Variants in BICD2 observed in about 807,000 individuals in gnomAD.
BICD2 encodes protein bicaudal D homolog 2.
BICD2 carries 25 observed loss-of-function variants against 72.9 expected under a neutral mutation model. The ratio of observed to expected loss-of-function variants is 0.34; its 90% CI spans 0.25 to 0.48. The LOEUF is 0.48. Among genes scored for constraint, BICD2 ranks in the 20% least tolerant of loss-of-function variants. The pLI, the probability that BICD2 is intolerant of heterozygous loss-of-function variation, is 0.99. For missense variants in BICD2, 894 were observed against 1,175.2 expected, an observed-to-expected ratio of 0.76 and a Z score of 3.50; for synonymous variants, 501 against 516.1, an observed-to-expected ratio of 0.97 and a Z score of 0.40.
At chr9:92,752,873 C>A (rs1055617225) in intron 1 of BICD2, among the ~76,000 whole-genome samples, 4 of 152,116 alleles carry the variant, frequency 2.6e-5, no homozygotes, top group African/African-American at 4.8e-5. Flanking sequence ...TAGATAGCAC[C>A]CTGCCCTCAA....
chr9:92,744,996 T>A (rs1466287931), intron 1 of BICD2, among the ~76,000 whole-genome samples: 2 of 152,098 alleles, frequency 1.3e-5, no homozygotes, highest in African/African-American at 4.8e-5. Flanking sequence ...ACCAAACATA[T>A]CACAGGGAGT....
In BICD2 at chr9:92,712,807, T is replaced by G. The variant is rs2131493042; in HGVS notation, c.*2347A>C. The G allele has an allele frequency of 6.6e-6, 1 of 152,574 alleles. No individual in the cohort carries two copies. The highest frequency in any genetic ancestry group is 1.5e-5 in the Non-Finnish European group (1 of 68,044). The allele number at this position is 152,574 out of a possible 1,614,324, so 9.5% of individuals were successfully genotyped here. ...ACCCCAGAATCTGAATACCCTGGAT[T>G]TCTTAATGAACATGGCATTTAAAAT... On this transcript the variant is annotated 3_prime_UTR_variant, in exon 7 of 7. Coordinates refer to ENST00000356884, the MANE Select transcript of BICD2 (RefSeq NM_001003800.2).
rs1033453294 is a variant in BICD2, at chr9:92,755,486, C to A, written c.240+9019G>T. 2.5e-4 allele frequency among the ~76,000 whole-genome samples: 38 copies of A among 152,158 alleles called. 1 individual carries two copies. ...CCTAATAAAAACTTGCTGGTTTTTG[C>A]GGCTTGTGGGGCATCACGGAACCTA... On this transcript the variant is annotated intron_variant, in intron 1 of 6. Transcript: ENST00000356884.
intron 5 of BICD2, among the ~76,000 whole-genome samples, chr9:92,718,285 G>A (rs1013754340): frequency 6.6e-6 from 1 of 152,248 alleles, no homozygotes; most frequent in Admixed American, 6.5e-5. Context: ...GTCACAGTGA[G>A]TCAAGGGCAG....
intron 1 of BICD2, among the ~76,000 whole-genome samples, chr9:92,733,791 C>G (rs1442955972): frequency 1.3e-5 from 2 of 151,696 alleles, no homozygotes; most frequent in African/African-American, 4.8e-5. Context: ...CACAGTGAAA[C>G]CCCGTCTCTA....
rs1853369874 is a variant in BICD2, at chr9:92,718,444, G to C, written c.2106+95C>G. 7 of 1,457,356 alleles carry C rather than the reference G, an allele frequency of 4.8e-6. No homozygotes were observed. In the African/African-American group the frequency reaches 7.0e-5, roughly 15 times the overall value. 90.3% of individuals were successfully genotyped at this position (1,457,356 alleles called of 1,614,324 possible). A position where few individuals can be genotyped will look rare whatever the true frequency, so the allele number is the denominator to read the frequency against. ...TCTGTCTGGTGGTGACGCAGGCCTGGGGGGGCCCCGTGGCAGGGGGAGGAA... is the reference window on the plus strand; with the variant it reads ...TCTGTCTGGTGGTGACGCAGGCCTGCGGGGGCCCCGTGGCAGGGGGAGGAA... On this transcript the variant is annotated intron_variant, in intron 5 of 6. Transcript: ENST00000356884.
intron 1 of BICD2, among the ~76,000 whole-genome samples, chr9:92,729,845 C>G (rs945250484): frequency 4.0e-4 from 61 of 152,242 alleles, no homozygotes; most frequent in Non-Finnish European, 1.0e-4. Context: ...GGGTGAGGAA[C>G]AAGGGGCGCG....
chr9:92,713,870 G>T lies in BICD2; in HGVS notation c.*1284C>A. On this transcript the variant is annotated 3_prime_UTR_variant, in exon 7 of 7. Transcript: ENST00000356884. ...GAGAGCTGTGGGAGGGGGCAACACG[G>T]TCTCTCACCAGGTAACTCGAATGCC... is the stretch of plus-strand genomic sequence containing the variant. The T allele has an allele frequency of 9.8e-7, 1 of 1,020,410 alleles. No individual in the cohort carries two copies. The highest frequency in any genetic ancestry group is 1.2e-6 in the Non-Finnish European group (1 of 850,628). The allele number at this position is 1,020,410 out of a possible 1,614,324, so 63.2% of individuals were successfully genotyped here. A position where few individuals can be genotyped will look rare whatever the true frequency, so the allele number is the denominator to read the frequency against.
chr9:92,751,070 C>G (rs1854137515), intron 1 of BICD2, among the ~76,000 whole-genome samples: 1 of 152,018 alleles, frequency 6.6e-6, no homozygotes, highest in Admixed American at 6.6e-5. Flanking sequence ...ACCACCAAGC[C>G]TGGCTAATTT....
At chr9:92,759,076 T>C (rs984538779) in intron 1 of BICD2, among the ~76,000 whole-genome samples, 3 of 152,172 alleles carry the variant, frequency 2.0e-5, no homozygotes, top group African/African-American at 7.2e-5. Context: ...TTATTTCATA[T>C]AGTAACACAA....
chr9:92,717,029 G>C (rs946543719), intron 6 of BICD2, among the ~76,000 whole-genome samples: 2 of 152,198 alleles, frequency 1.3e-5, no homozygotes, highest in Non-Finnish European at 2.9e-5. Context: ...GGTGGGACCC[G>C]AACTGTGGAC....
At position 92,713,641 on chromosome 9, in the gene BICD2, T is replaced by G; in HGVS notation, c.*1513A>C. The G allele has an allele frequency of 6.8e-7, 1 of 1,475,052 alleles. No homozygotes were observed. The highest frequency in any genetic ancestry group is 9.0e-7 in the Non-Finnish European group (1 of 1,105,920). 91.4% of individuals were successfully genotyped at this position (1,475,052 alleles called of 1,614,324 possible). The stretch of plus-strand genomic sequence containing the variant: ...GTGTCTGCAAAGTCCCTTAGGAGTA[T>G]GGAGAGAAGCTATGTGCCAGGCTTG... On this transcript the variant is annotated 3_prime_UTR_variant, in exon 7 of 7. Coordinates refer to ENST00000356884, the MANE Select transcript of BICD2 (RefSeq NM_001003800.2).
At chr9:92,744,344 T>C (rs1853961710) in intron 1 of BICD2, among the ~76,000 whole-genome samples, 2 of 152,158 alleles carry the variant, frequency 1.3e-5, no homozygotes, top group African/African-American at 4.8e-5. Flanking sequence ...ATCTTTGGTG[T>C]CAAAAGCCAG....
At position 92,713,933 on chromosome 9, in the gene BICD2, G is replaced by A; in HGVS notation, c.*1221C>T. 5.0e-6 allele frequency: 5 copies of A among 993,710 alleles called. No homozygotes were observed. The highest frequency in any genetic ancestry group is 1.7e-5 in the African/African-American group (1 of 57,682). 61.6% of individuals were successfully genotyped at this position (993,710 alleles called of 1,614,324 possible). ...GAGACAAGGCAAGCAGCCTGCAGGA[G>A]AGAAGACTGCAGCCTCAGGTCCAGC... On this transcript the variant is annotated 3_prime_UTR_variant, in exon 7 of 7. Coordinates refer to ENST00000356884, the MANE Select transcript of BICD2 (RefSeq NM_001003800.2).
rs767127458 is a variant in BICD2 at position 92,729,131 on chromosome 9, G to T, written c.346C>A (p.Arg116=). ...TCCGTCTGCAGCTCTAGCACCTTCC[G>T]CACGTAGTACTGCTCCTTGGAGGCC... ...ESASKEQYYV[R]KVLELQTELK... is the part of the protein sequence containing the mutation. Residue 116 remains arginine (R), a synonymous_variant, in exon 2 of 7, where the codon CGG becomes AGG. Transcript: ENST00000356884. 2 of 1,614,206 alleles carry T rather than the reference G, an allele frequency of 1.2e-6. No individual in the cohort carries two copies. The highest frequency in any genetic ancestry group is 1.7e-6 in the Non-Finnish European group (2 of 1,180,038).
chr9:92,741,707 T>C (rs1587683519), intron 1 of BICD2, among the ~76,000 whole-genome samples: 2 of 152,242 alleles, frequency 1.3e-5, no homozygotes, highest in South Asian at 4.1e-4. Flanking sequence ...CATTGGTAAA[T>C]GAAGATGCAT....
At position 92,718,907 on chromosome 9, in the gene BICD2, G is replaced by A. The variant is rs573861187; in HGVS notation, c.1738C>T (p.Arg580Trp). 26 of 1,601,782 alleles carry A rather than the reference G, an allele frequency of 1.6e-5. 1 individual carries two copies. The highest frequency in any genetic ancestry group is 1.1e-4 in the African/African-American group (8 of 74,702). ...TTGGGTAGGAGGATGGGTGAGCGCC[G>A]GCCACGCGCCTCGGGGCTGGTGCGG... ...GGRTSPEARG[R>W]RSPILLPKGL... Residue 580 changes from arginine (R) to tryptophan (W), a missense_variant, in exon 5 of 7, where the codon CGG becomes TGG. By Grantham distance (101) the Arg-to-Trp change is moderately radical. Transcript: ENST00000356884.
chr9:92,744,921 A>G (rs557041899), intron 1 of BICD2, among the ~76,000 whole-genome samples: 1 of 152,352 alleles, frequency 6.6e-6, no homozygotes. Context: ...ACATACACAC[A>G]TGCACTTAAA....
intron 1 of BICD2, among the ~76,000 whole-genome samples, chr9:92,743,832 G>A (rs1853948909): frequency 6.6e-6 from 1 of 152,136 alleles, no homozygotes; most frequent in Non-Finnish European, 1.5e-5. Context: ...GAAGAACATT[G>A]GAAGAAGGTC....
Sources: allele counts gnomAD v4.1 joint callset (sites outside exome capture counted in the v4.1 genomes callset), GRCh38; gene constraint gnomAD v4.1.1; transcripts MANE v1.5; gene names NCBI Gene and HGNC (gene_info 2026-07-23, HGNC 2026-07-21).